COA1: variants seen among roughly 807,000 people sequenced by gnomAD.
COA1 encodes the protein cytochrome c oxidase assembly factor 1 homolog.
COA1 carries 13 observed loss-of-function variants against 16.0 expected under a neutral mutation model. That is an observed-to-expected ratio of 0.81 (90% CI 0.53 to 1.29). COA1 has a LOEUF of 1.29. COA1 is among the 50% of genes most tolerant of loss of function. COA1 has a pLI of 0.00. For missense variants in COA1, 179 were observed against 177.0 expected (o/e 1.01, Z -0.06); for synonymous variants, 65 against 65.7 (o/e 0.99, Z 0.05).
chr7:43,667,289 G>A lies in COA1; in HGVS notation c.-38-18637C>T, dbSNP rs190118364. Among the ~76,000 whole-genome samples, 10 of 152,196 alleles carry A rather than the reference G, an allele frequency of 6.6e-5. No individual in the cohort carries two copies. In the East Asian group the frequency reaches 1.9e-3, roughly 29 times the overall value. On this transcript the variant is annotated intron_variant, in intron 1 of 5. Transcript: ENST00000223336. ...GTCCTTCCTGATGCCTGGCTTTTTG[G>A]ATGGTTCAGAAGGTCCCTGAAACAT...
intron 1 of COA1, among the ~76,000 whole-genome samples, chr7:43,690,188 G>A (rs2094210348): frequency 6.6e-6 from 1 of 152,176 alleles, no homozygotes; most frequent in Admixed American, 6.6e-5. Flanking sequence ...ATGAAAAACA[G>A]TGTGAAGATT....
chr7:43,640,916 C>T (rs932861866), intron 4 of COA1: 2 of 348,936 alleles, frequency 5.7e-6, no homozygotes, highest in South Asian at 8.9e-5. Flanking sequence ...TTCCAATGAT[C>T]GCTCAAAAGT....
chr7:43,631,364 T>G (rs1015285902), intron 6 of COA1: 1 of 152,374 alleles, frequency 6.6e-6, no homozygotes, highest in Admixed American at 6.5e-5. Flanking sequence ...TAGCTGAGAT[T>G]ACAGGCATGT....
chr7:43,687,024 A>G (rs1023343821), intron 1 of COA1, among the ~76,000 whole-genome samples: 1 of 152,136 alleles, frequency 6.6e-6, no homozygotes, highest in African/African-American at 2.4e-5. Flanking sequence ...CTTTATAATC[A>G]ATAGTCTTAC....
intron 1 of COA1, among the ~76,000 whole-genome samples, chr7:43,696,697 A>C (rs191155880): frequency 2.0e-5 from 3 of 147,146 alleles, no homozygotes; most frequent in Admixed American, 2.0e-4. Context: ...TGATATATAC[A>C]TATGTGTGTG....
At chr7:43,624,758 G>C (rs761249710) in intron 6 of COA1, 2 of 1,613,552 alleles carry the variant, frequency 1.2e-6, no homozygotes, top group Admixed American at 1.7e-5. Flanking sequence ...CTGAAAAAGA[G>C]AAAATGGAGC....
chr7:43,702,916 C>G (rs556090050), intron 1 of COA1, among the ~76,000 whole-genome samples: 2 of 152,066 alleles, frequency 1.3e-5, no homozygotes, highest in Non-Finnish European at 2.9e-5. Flanking sequence ...TCTTGTTTTT[C>G]TAGAGTTCCT....
intron 1 of COA1, among the ~76,000 whole-genome samples, chr7:43,660,185 C>A (rs2092283053): frequency 6.6e-6 from 1 of 152,190 alleles, no homozygotes; most frequent in African/African-American, 2.4e-5. Context: ...TACTCCCCGA[C>A]CCCAAGAACA....
chr7:43,674,146 A>C (rs2129703890), intron 1 of COA1, among the ~76,000 whole-genome samples: 1 of 152,318 alleles, frequency 6.6e-6, no homozygotes, highest in Non-Finnish European at 1.5e-5. Context: ...CCCTCAACCT[A>C]AAAGTTAAAA....
intron 3 of COA1, chr7:43,646,742 C>G: frequency 2.5e-6 from 1 of 394,854 alleles, no homozygotes; most frequent in South Asian, 1.8e-5. Context: ...CCCCTCCAGA[C>G]TCTGCAACTC....
intron 1 of COA1, among the ~76,000 whole-genome samples, chr7:43,688,342 T>C (rs903682626): frequency 7.1e-5 from 10 of 141,276 alleles, no homozygotes; most frequent in African/African-American, 2.4e-4. Flanking sequence ...AACTTGAATA[T>C]TTTTATGATA....
chr7:43,717,721 A>C (rs2095423750), intron 1 of COA1, among the ~76,000 whole-genome samples: 1 of 152,138 alleles, frequency 6.6e-6, no homozygotes, highest in African/African-American at 2.4e-5. Flanking sequence ...GTTTGGCTCT[A>C]TGTCCCTATT....
At chr7:43,689,007 T>G (rs2094158945) in intron 1 of COA1, among the ~76,000 whole-genome samples, 1 of 152,242 alleles carries the variant, frequency 6.6e-6, no homozygotes, top group African/African-American at 2.4e-5. Context: ...GAAGCTGAGA[T>G]TGGCTCACAG....
chr7:43,665,276 T>A (rs7781527), intron 1 of COA1, among the ~76,000 whole-genome samples: 2 of 152,176 alleles, frequency 1.3e-5, no homozygotes, highest in South Asian at 4.1e-4. Flanking sequence ...CAAAACATAC[T>A]GCTCAACATC....
chr7:43,660,623 G>C (rs1044506040), intron 1 of COA1, among the ~76,000 whole-genome samples: 3 of 152,150 alleles, frequency 2.0e-5, no homozygotes, highest in Non-Finnish European at 4.4e-5. Context: ...GCCCAGGTCT[G>C]CCTGACTCCA....
chr7:43,648,468 T>G (rs747707667), intron 2 of COA1, 132 bp downstream of exon 2: 1 of 946,486 alleles, frequency 1.1e-6, no homozygotes, highest in Non-Finnish European at 1.7e-6. Flanking sequence ...TCCTGTGAAG[T>G]TAAAGCACAA....
At chr7:43,662,386 C>G (rs750122987) in intron 1 of COA1, among the ~76,000 whole-genome samples, 29 of 152,188 alleles carry the variant, frequency 1.9e-4, no homozygotes, top group Admixed American at 8.5e-4. Flanking sequence ...CCTGCCACCA[C>G]GCCCAGCTAA....
chr7:43,704,029 T>C (rs2094867937), intron 1 of COA1, among the ~76,000 whole-genome samples: 1 of 152,222 alleles, frequency 6.6e-6, no homozygotes, highest in Non-Finnish European at 1.5e-5. Context: ...CAAATTCTCT[T>C]AGCATTTGCT....
chr7:43,670,450 C>G (rs1468031323), intron 1 of COA1, among the ~76,000 whole-genome samples: 1 of 150,258 alleles, frequency 6.7e-6, no homozygotes, highest in African/African-American at 2.5e-5. Context: ...GAGACTTGGT[C>G]TAAAAAAAAA....
Sources: allele counts gnomAD v4.1 joint callset (sites outside exome capture counted in the v4.1 genomes callset), GRCh38; gene constraint gnomAD v4.1.1; transcripts MANE v1.5; gene names NCBI Gene and HGNC (gene_info 2026-07-23, HGNC 2026-07-21).